The following COG3 variants were observed in gnomAD, a reference collection of about 807,000 sequenced individuals.
COG3 encodes the protein component of oligomeric golgi complex 3, also known as conserved oligomeric Golgi complex subunit 3.
COG3 carries 32 observed loss-of-function variants against 114.1 expected under a neutral mutation model. That is an observed-to-expected ratio of 0.28 (90% CI 0.21 to 0.38). The LOEUF (loss-of-function observed/expected upper bound fraction) is 0.38, where lower values mean the gene tolerates loss of function less well. COG3 is among the 10% of genes least tolerant of loss of function. The pLI is 1.00. For missense variants in COG3, 813 were observed against 973.2 expected, an observed-to-expected ratio of 0.84 and a Z score of 2.19; for synonymous variants, 352 against 365.7, an observed-to-expected ratio of 0.96 and a Z score of 0.43.
rs972176772 is a variant in COG3, at chr13:45,536,524, G to A, written c.*1793G>A. 2.0e-5 allele frequency: 3 copies of A among 152,160 alleles called. No homozygotes were observed. The highest frequency in any genetic ancestry group is 7.2e-5 in the African/African-American group (3 of 41,422). The allele number at this position is 152,160 out of a possible 1,614,324, so 9.4% of individuals were successfully genotyped here. ...TTAAGTGTTCACTTATACAAAGAGT[G>A]TATATACTTTCAAATAATTTAAAAT... is the stretch of plus-strand genomic sequence containing the variant. On this transcript the variant is annotated 3_prime_UTR_variant, in exon 23 of 23. Transcript: ENST00000349995.
At chr13:45,534,278 A>G (rs1873406496) in intron 22 of COG3, among the ~76,000 whole-genome samples, 2 of 152,182 alleles carry the variant, frequency 1.3e-5, no homozygotes, top group Admixed American at 6.5e-5. Flanking sequence ...GTGTTTGTAT[A>G]TAGTTTTTGC....
intron 5 of COG3, among the ~76,000 whole-genome samples, chr13:45,481,585 A>G (rs1886251629): frequency 6.6e-6 from 1 of 152,198 alleles, no homozygotes; most frequent in Non-Finnish European, 1.5e-5. Flanking sequence ...AGAAGATTGT[A>G]AGAAGAAATA....
intron 11 of COG3, among the ~76,000 whole-genome samples, chr13:45,492,889 C>T (rs556193443): frequency 3.9e-5 from 6 of 152,146 alleles, no homozygotes; most frequent in East Asian, 3.9e-4. Flanking sequence ...AAATACTTGG[C>T]GTATGACCAA....
intron 13 of COG3, among the ~76,000 whole-genome samples, chr13:45,496,588 A>G (rs1489521245): frequency 6.6e-6 from 1 of 152,134 alleles, no homozygotes; most frequent in Admixed American, 6.5e-5. Flanking sequence ...AATCAAGATA[A>G]GTTTGCTATA....
intron 12 of COG3, among the ~76,000 whole-genome samples, chr13:45,494,336 A>C (rs1263938464): frequency 4.6e-5 from 7 of 151,878 alleles, no homozygotes; most frequent in Admixed American, 2.0e-4. Flanking sequence ...AAAAAAAAAA[A>C]AAAAAAAACA....
At chr13:45,500,242 T>C (rs962247519) in intron 13 of COG3, among the ~76,000 whole-genome samples, 9 of 152,150 alleles carry the variant, frequency 5.9e-5, no homozygotes, top group African/African-American at 1.4e-4. Context: ...TAAAAAAATA[T>C]AATCTTGAGA....
chr13:45,473,677 G>C (rs1008657081), intron 1 of COG3, among the ~76,000 whole-genome samples: 1 of 152,192 alleles, frequency 6.6e-6, no homozygotes, highest in African/African-American at 2.4e-5. Context: ...CAATATGTCA[G>C]GTCTGTGCTA....
At chr13:45,483,607 G>C (rs1027218886) in intron 7 of COG3, among the ~76,000 whole-genome samples, 1 of 152,108 alleles carries the variant, frequency 6.6e-6, no homozygotes, top group African/African-American at 2.4e-5. Context: ...TGAATAATCA[G>C]ATACAAATTA....
At chr13:45,481,684 G>T (rs1886256513) in intron 5 of COG3, among the ~76,000 whole-genome samples, 1 of 152,144 alleles carries the variant, frequency 6.6e-6, no homozygotes, top group African/African-American at 2.4e-5. Flanking sequence ...TTGAAGAAAA[G>T]TATAGTCCTC....
intron 13 of COG3, among the ~76,000 whole-genome samples, chr13:45,502,486 C>T (rs1199965086): frequency 2.0e-5 from 3 of 152,056 alleles, no homozygotes; most frequent in Non-Finnish European, 4.4e-5. Context: ...TGGTGAGGGA[C>T]TGGGGTATAA....
At chr13:45,495,259 A>C (rs1345803388) in intron 12 of COG3, among the ~76,000 whole-genome samples, 1 of 150,188 alleles carries the variant, frequency 6.7e-6, no homozygotes, top group African/African-American at 2.5e-5. Context: ...AAGTGCTGGG[A>C]TTACAGGCAT....
intron 16 of COG3, among the ~76,000 whole-genome samples, chr13:45,513,641 T>C (rs1236323385): frequency 6.7e-6 from 1 of 149,332 alleles, no homozygotes; most frequent in Non-Finnish European, 1.5e-5. Flanking sequence ...GCTTTATCTT[T>C]GTGACCACTA....
At chr13:45,491,019 C>A in intron 9 of COG3, 61 bp downstream of exon 9, 1 of 1,085,256 alleles carries the variant, frequency 9.2e-7, no homozygotes. Flanking sequence ...TACTGTTTTT[C>A]CAAATCTGGA....
intron 10 of COG3, 73 bp downstream of exon 10, chr13:45,491,611 C>A: frequency 1.4e-6 from 2 of 1,406,544 alleles, no homozygotes; most frequent in South Asian, 1.5e-5. Flanking sequence ...GAAACTATAC[C>A]TGGTTAAATA....
Position 45,479,044 on chromosome 13 carries a change from C to G in COG3, c.361C>G (p.Gln121Glu). ...TGCAAAGCTGCAAACTCAGATGGAT[C>G]AAGATGAAGGAACTAAATATAGGTA... ...WFAKLQTQMD[Q>E]DEGTKYRQMR... is the part of the protein sequence containing the mutation. Residue 121 changes from glutamine to glutamate, a missense_variant, in exon 3 of 23, where the codon CAA becomes GAA. Gln to Glu is a conservative substitution (Grantham distance 29). Around this residue, in one of 2 missense-constraint regions of COG3, gnomAD observed 424 missense variants for 430.6 expected, o/e 0.98. Coordinates refer to ENST00000349995, the MANE Select transcript of COG3 (RefSeq NM_031431.4). 1 of 1,610,684 alleles carries G rather than the reference C, an allele frequency of 6.2e-7. No individual in the cohort carries two copies. Among genetic ancestry groups the G allele is most frequent in the South Asian group, 1.1e-5 (1 of 90,518 alleles).
chr13:45,535,129 A>C lies in COG3; in HGVS notation c.*398A>C. 1.0e-6 allele frequency: 1 copy of C among 1,003,874 alleles called. No homozygotes were observed. Among genetic ancestry groups the C allele is most frequent in the African/African-American group, 1.7e-5 (1 of 58,126 alleles). The allele number at this position is 1,003,874 out of a possible 1,614,324, so 62.2% of individuals were successfully genotyped here. ...GGCCTGTAAGAGTAAGGTTTGCTAA[A>C]ACGTGAAACACTGTAACACTTTTAA... On this transcript the variant is annotated 3_prime_UTR_variant, in exon 23 of 23. Coordinates refer to ENST00000349995, the MANE Select transcript of COG3 (RefSeq NM_031431.4).
intron 5 of COG3, among the ~76,000 whole-genome samples, chr13:45,482,087 A>G (rs539742471): frequency 2.0e-5 from 3 of 152,272 alleles, no homozygotes; most frequent in South Asian, 4.1e-4. Context: ...GGTATTTCAT[A>G]TATTATTTGA....
intron 8 of COG3, among the ~76,000 whole-genome samples, chr13:45,488,309 A>G (rs1886796259): frequency 6.6e-6 from 1 of 152,120 alleles, no homozygotes; most frequent in Non-Finnish European, 1.5e-5. Context: ...AGTGTTCAGT[A>G]GTGTAGTAGG....
intron 13 of COG3, among the ~76,000 whole-genome samples, chr13:45,498,152 G>A (rs950967364): frequency 1.3e-5 from 2 of 152,046 alleles, no homozygotes; most frequent in African/African-American, 4.8e-5. Flanking sequence ...ATCTCTTTGT[G>A]TGTGTGTGTG....
Sources: allele counts gnomAD v4.1 joint callset (sites outside exome capture counted in the v4.1 genomes callset), GRCh38; gene constraint gnomAD v4.1.1; regional missense constraint gnomAD v4.1.1; transcripts MANE v1.5; gene names NCBI Gene and HGNC (gene_info 2026-07-23, HGNC 2026-07-21).